The following CTDSP2 variants were observed in gnomAD, a reference collection of about 807,000 sequenced individuals.
The protein encoded by CTDSP2 is CTD small phosphatase 2, also known as carboxy-terminal domain RNA polymerase II polypeptide A small phosphatase 2.
CTDSP2 carries 9 observed loss-of-function variants against 31.6 expected under a neutral mutation model. That is an observed-to-expected ratio of 0.28 (90% CI 0.17 to 0.50). The LOEUF (loss-of-function observed/expected upper bound fraction) is 0.50, where lower values mean the gene tolerates loss of function less well. Ranked by LOEUF, CTDSP2 falls within the 20% of genes least tolerant of loss-of-function variation. CTDSP2 has a pLI of 0.98. For missense variants in CTDSP2, 267 were observed against 348.5 expected (o/e 0.77, Z 1.86); for synonymous variants, 134 against 134.5 (o/e 1.00, Z 0.03).
chr12:57,827,275 G>GT, intron 3 of CTDSP2, 178 bp from the exon 4 acceptor site: 1 of 633,932 alleles, frequency 1.6e-6, no homozygotes, highest in Non-Finnish European at 2.8e-6. Flanking sequence ...CAGCCTCCCA[G>GT]TGGGACTATT....
chr12:57,828,327 G>A (rs1384646203), intron 2 of CTDSP2, among the ~76,000 whole-genome samples: 1 of 151,828 alleles, frequency 6.6e-6, no homozygotes, highest in Non-Finnish European at 1.5e-5. Flanking sequence ...ACTGAGGCAG[G>A]AGAATCGCTT....
chr12:57,833,366 C>T (rs979357389), intron 1 of CTDSP2, among the ~76,000 whole-genome samples: 3 of 152,220 alleles, frequency 2.0e-5, no homozygotes, highest in African/African-American at 7.2e-5. Flanking sequence ...ACCACAAATG[C>T]CTTGACCTTG....
intron 1 of CTDSP2, among the ~76,000 whole-genome samples, chr12:57,835,109 G>C (rs1475307731): frequency 7.5e-6 from 1 of 133,400 alleles, no homozygotes; most frequent in Non-Finnish European, 1.6e-5. Context: ...GGCAACAAAA[G>C]CAAAATTCCA....
chr12:57,842,903 G>A (rs1171668107), intron 1 of CTDSP2, among the ~76,000 whole-genome samples: 1 of 152,170 alleles, frequency 6.6e-6, no homozygotes, highest in Non-Finnish European at 1.5e-5. Flanking sequence ...CTTTTTGAGG[G>A]AATAAGGCAG....
rs1267667443 is a variant in CTDSP2 at position 57,846,445 on chromosome 12, C to A, written c.-10G>T. 6 of 1,585,214 alleles carry A rather than the reference C, an allele frequency of 3.8e-6. No individual in the cohort carries two copies. The South Asian group carries it at 5.8e-5, about 15-fold the overall frequency. ...TGGAGCCGTGTTCCATCTAACAATC[C>A]CGCGGGCCCGGGCTGGCTGGGCGGG... On this transcript the variant is annotated 5_prime_UTR_variant, in exon 1 of 8. Transcript: ENST00000398073.
chr12:57,823,703 C>T lies in CTDSP2; in HGVS notation c.715G>A (p.Asp239Asn), dbSNP rs757131070. 4 of 1,614,104 alleles carry T rather than the reference C, an allele frequency of 2.5e-6. No individual in the cohort carries two copies. Among genetic ancestry groups the T allele is most frequent in the Non-Finnish European group, 3.4e-6 (4 of 1,180,022 alleles). ...NAVPVQSWFD[D>N]MADTELLNLI... is the part of the protein sequence containing the mutation. ...TTCAGCAACTCAGTGTCTGCCATGT[C>T]ATCAAACCAGGACTGCACAGGCACC... The change falls in exon 8 of 8, where the codon GAC (aspartate) becomes AAC (asparagine). Residue 239 changes from aspartate (D) to asparagine (N), a missense_variant. This residue lies in a region of CTDSP2 where 156 missense variants were observed against 241.3 expected (regional missense o/e 0.65). Transcript: ENST00000398073.
chr12:57,829,188 T>C (rs755115418), intron 2 of CTDSP2, among the ~76,000 whole-genome samples: 3 of 152,220 alleles, frequency 2.0e-5, no homozygotes, highest in Non-Finnish European at 2.9e-5. Flanking sequence ...CAAAGCACCT[T>C]GCCTAGTTCC....
In CTDSP2 at chr12:57,827,043, A is replaced by T; in HGVS notation, c.307T>A (p.Cys103Ser). 6.2e-7 allele frequency: 1 copy of T among 1,613,980 alleles called. No homozygotes were observed. The highest frequency in any genetic ancestry group is 8.5e-7 in the Non-Finnish European group (1 of 1,180,020). Residue 103 changes from cysteine to serine, a missense_variant, in exon 4 of 8, where the codon TGT becomes AGT. Transcript: ENST00000398073. Reference sequence around the variant, plus strand: ...GTTTCATCGAGGTCAATGACCACACAGATCCTTCCTTGATCTTCCTCTGTC... The same window carrying T: ...GTTTCATCGAGGTCAATGACCACACTGATCCTTCCTTGATCTTCCTCTGTC... The part of the protein sequence containing the change: ...EVTEEDQGRI[C>S]VVIDLDETLV...
At chr12:57,824,365 G>T in intron 5 of CTDSP2, 46 bp from the exon 6 acceptor site, 1 of 1,403,792 alleles carries the variant, frequency 7.1e-7, no homozygotes, top group Non-Finnish European at 1.0e-6. Flanking sequence ...CTGTGATGAA[G>T]GTTTGCAGTA....
At chr12:57,828,914 C>A (rs960901033) in intron 2 of CTDSP2, among the ~76,000 whole-genome samples, 1 of 152,200 alleles carries the variant, frequency 6.6e-6, no homozygotes, top group Admixed American at 6.5e-5. Context: ...GAACTGCTGA[C>A]AGGAGTTATT....
At chr12:57,824,345 G>A (rs1401188717) in intron 5 of CTDSP2, 26 bp from the exon 6 acceptor site, 18 of 1,556,224 alleles carry the variant, frequency 1.2e-5, no homozygotes, top group Non-Finnish European at 1.5e-5. Flanking sequence ...GCAGCCTGTT[G>A]GAGGCATCCC....
chr12:57,824,559 C>A (rs574337165), intron 5 of CTDSP2: 1 of 664,324 alleles, frequency 1.5e-6, no homozygotes. Context: ...CAGGAAGAAG[C>A]GCACACACCA....
chr12:57,825,942 CAA>C (rs1016549254), intron 5 of CTDSP2, among the ~76,000 whole-genome samples: 1 of 152,170 alleles, frequency 6.6e-6, no homozygotes, highest in African/African-American at 2.4e-5. Flanking sequence ...CTGTTACAGG[CAA>C]AGAGATACCT....
At chr12:57,832,135 C>T (rs1345898865) in intron 1 of CTDSP2, among the ~76,000 whole-genome samples, 3 of 152,208 alleles carry the variant, frequency 2.0e-5, no homozygotes, top group Admixed American at 6.5e-5. Flanking sequence ...CCAGAGCTTG[C>T]GCGCATGCTC....
In CTDSP2 at chr12:57,823,645, G is replaced by A. The variant is rs1316086382; in HGVS notation, c.773C>T (p.Ala258Val). 2 of 1,614,070 alleles carry A rather than the reference G, an allele frequency of 1.2e-6. No homozygotes were observed. The highest frequency in any genetic ancestry group is 1.3e-5 in the African/African-American group (1 of 75,036). The change falls in exon 8 of 8, where the codon GCA (alanine) becomes GTA (valine). Residue 258 changes from alanine to valine, a missense_variant. Ala to Val is a moderately conservative substitution (Grantham distance 64, BLOSUM62 0). This residue lies in a region of CTDSP2 where 156 missense variants were observed against 241.3 expected (regional missense o/e 0.65). Coordinates refer to ENST00000398073, the MANE Select transcript of CTDSP2 (RefSeq NM_005730.4). The part of the protein sequence containing the change: ...LIPIFEELSG[A>V]EDVYTSLGQL... ...CCCAAGGCTGGTGTAGACGTCCTCT[G>A]CTCCGCTCAGCTCCTCAAAGATTGG...
chr12:57,825,645 T>TA (rs1001934922), intron 5 of CTDSP2, among the ~76,000 whole-genome samples: 1 of 152,228 alleles, frequency 6.6e-6, no homozygotes, highest in African/African-American at 2.4e-5. Flanking sequence ...GGTCTTTCAC[T>TA]AGCAGTGTCA....
chr12:57,846,452 C>T lies in CTDSP2; in HGVS notation c.-17G>A, dbSNP rs1238423497. On this transcript the variant is annotated 5_prime_UTR_variant, in exon 1 of 8. Transcript: ENST00000398073. ...GTGTTCCATCTAACAATCCCGCGGG[C>T]CCGGGCTGGCTGGGCGGGAGGACGG... The T allele has an allele frequency of 1.3e-6, 2 of 1,573,140 alleles. No individual in the cohort carries two copies. Among genetic ancestry groups the T allele is most frequent in the East Asian group, 2.4e-5 (1 of 41,738 alleles).
chr12:57,841,929 A>G (rs1956284930), intron 1 of CTDSP2, among the ~76,000 whole-genome samples: 1 of 152,360 alleles, frequency 6.6e-6, no homozygotes, highest in South Asian at 2.1e-4. Context: ...TGATTTATCA[A>G]GTCTCATTGC....
Position 57,829,464 on chromosome 12 carries a change from G to T in CTDSP2, c.197C>A (p.Ala66Glu). Residue 66 changes from alanine to glutamate, a missense_variant, in exon 2 of 8, where the codon GCA (alanine) becomes GAA (glutamate). Physicochemically the swap from Ala to Glu is moderately radical, Grantham distance 107. This residue lies in a region of CTDSP2 where 111 missense variants were observed against 107.1 expected (regional missense o/e 1.04). Coordinates refer to ENST00000398073, the MANE Select transcript of CTDSP2 (RefSeq NM_005730.4). Reference sequence around the variant, plus strand: ...CCCACCTACCTTAGCAATGGTGTTTGCTTCCTCCTTATACGCAGCGAGCTC... The same window carrying T: ...CCCACCTACCTTAGCAATGGTGTTTTCTTCCTCCTTATACGCAGCGAGCTC... ...STELAAYKEE[A>E]NTIAKSDLLQ... 5 of 1,614,044 alleles carry T rather than the reference G, an allele frequency of 3.1e-6. No individual in the cohort carries two copies. Among genetic ancestry groups the T allele is most frequent in the Non-Finnish European group, 4.2e-6 (5 of 1,179,922 alleles).
Sources: gnomAD v4.1 joint callset for allele counts (sites outside exome capture counted in the v4.1 genomes callset) on GRCh38, gnomAD v4.1.1 for gene constraint, gnomAD v4.1.1 regional missense constraint, MANE v1.5 for transcripts, NCBI Gene and HGNC (gene_info 2026-07-23, HGNC 2026-07-21) for gene names.